The following SRGAP1 variants were observed in gnomAD, a reference collection of about 807,000 sequenced individuals.
The protein encoded by SRGAP1 is SLIT-ROBO Rho GTPase activating protein 1, also known as SLIT-ROBO Rho GTPase-activating protein 1.
In SRGAP1, 43 loss-of-function variants were observed where a neutral mutation model predicts 121.9. The observed-to-expected ratio is 0.35, with a 90% CI of 0.28 to 0.46. The LOEUF is 0.46. SRGAP1 is among the 20% of genes least tolerant of loss of function. SRGAP1 has a pLI of 1.00. For synonymous variants in SRGAP1, 447 were observed against 485.4 expected (o/e 0.92, Z 1.04); for missense variants, 1,102 against 1,350.9 (o/e 0.82, Z 2.89).
rs371674536 is a variant in SRGAP1 at position 63,862,148 on chromosome 12, G to A, written c.67+17265G>A. 3.3e-5 allele frequency among the ~76,000 whole-genome samples: 5 copies of A among 152,294 alleles called. No individual in the cohort carries two copies. In the South Asian group the frequency reaches 6.2e-4, roughly 19 times the overall value. On this transcript the variant is annotated intron_variant, in intron 1 of 21. Transcript: ENST00000355086. ...AAAAATTTATACACACACACCTCATGAGTCAAAGAAGAAATTATTATGAAA... is the reference window on the plus strand; with the variant it reads ...AAAAATTTATACACACACACCTCATAAGTCAAAGAAGAAATTATTATGAAA...
At chr12:63,945,244 C>T (rs1251700512) in intron 1 of SRGAP1, among the ~76,000 whole-genome samples, 3 of 151,752 alleles carry the variant, frequency 2.0e-5, no homozygotes, top group Non-Finnish European at 2.9e-5. Context: ...GTCTTTCTCC[C>T]TTCCTCTTTT....
intron 3 of SRGAP1, among the ~76,000 whole-genome samples, chr12:63,993,669 G>A (rs1565627236): frequency 6.6e-6 from 1 of 152,066 alleles, no homozygotes; most frequent in Non-Finnish European, 1.5e-5. Flanking sequence ...AAATTATTCT[G>A]TCTGATAAGG....
chr12:63,900,358 A>T (rs1900910536), intron 1 of SRGAP1, among the ~76,000 whole-genome samples: 1 of 150,940 alleles, frequency 6.6e-6, no homozygotes, highest in African/African-American at 2.4e-5. Context: ...GGTGCGTGCC[A>T]TCACGCCCAG....
In SRGAP1 at chr12:64,115,814, C is replaced by T. The variant is rs778727734; in HGVS notation, c.2145C>T (p.Cys715=). The T allele has an allele frequency of 2.5e-5, 40 of 1,612,122 alleles. No individual in the cohort carries two copies. Among genetic ancestry groups the T allele is most frequent in the Middle Eastern group, 3.3e-4 (2 of 6,070 alleles). Residue 715 remains cysteine, a splice_region_variant and synonymous_variant, in exon 18 of 22, where the codon TGC becomes TGT. Transcript: ENST00000355086. ...ATGAATTTCCATTTGTATTCTACAG[C>T]GACAGCCCATACAGTGAGCACGGTA... ...YEKCMAGDDY[C]DSPYSEHGTL...
intron 1 of SRGAP1, among the ~76,000 whole-genome samples, chr12:63,921,898 T>C (rs1475350188): frequency 6.6e-6 from 1 of 152,158 alleles, no homozygotes; most frequent in Non-Finnish European, 1.5e-5. Context: ...GAAAGAGTCT[T>C]AGTTCCATTT....
At chr12:64,125,837 G>T (rs529630037) in intron 18 of SRGAP1, 140 bp from the exon 19 acceptor site, 1 of 699,878 alleles carries the variant, frequency 1.4e-6, no homozygotes. Flanking sequence ...CTCCTGCCTT[G>T]ATAATATGTT....
At chr12:63,885,027 T>C (rs893004879) in intron 1 of SRGAP1, among the ~76,000 whole-genome samples, 3 of 152,104 alleles carry the variant, frequency 2.0e-5, no homozygotes. Flanking sequence ...CCATTCTTAT[T>C]TGAGTAGATT....
At chr12:64,120,322 A>G (rs970509634) in intron 18 of SRGAP1, 4 of 152,114 alleles carry the variant, frequency 2.6e-5, no homozygotes, top group Admixed American at 2.6e-4. Context: ...TCTTCCAGAG[A>G]GGGTTTTCAT....
intron 15 of SRGAP1, among the ~76,000 whole-genome samples, chr12:64,100,745 TAAG>T (rs1343047797): frequency 3.9e-5 from 6 of 152,174 alleles, no homozygotes. Flanking sequence ...TGTAACCTCT[TAAG>T]AAAGAGAGGA....
rs2037092230 is a variant in SRGAP1, at chr12:64,149,131, A to G, written c.*6459A>G. The stretch of plus-strand genomic sequence containing the variant: ...TTCCTGATTAAACTTTGGGTAGTAT[A>G]TGCAGATATCTTTAAACATGGAGAA... On this transcript the variant is annotated 3_prime_UTR_variant, in exon 22 of 22. Coordinates refer to ENST00000355086, the MANE Select transcript of SRGAP1 (RefSeq NM_020762.4). The G allele has an allele frequency of 6.6e-6, 1 of 152,224 alleles. No homozygotes were observed. Among genetic ancestry groups the G allele is most frequent in the Non-Finnish European group, 1.5e-5 (1 of 68,046 alleles). The allele number at this position is 152,224 out of a possible 1,614,324, so 9.4% of individuals were successfully genotyped here.
chr12:63,917,745 T>G (rs1041147561), intron 1 of SRGAP1, among the ~76,000 whole-genome samples: 4 of 149,738 alleles, frequency 2.7e-5, no homozygotes, highest in African/African-American at 9.7e-5. Flanking sequence ...TGAAAACAGT[T>G]TATAATGAAC....
In SRGAP1 at chr12:64,111,966, T is replaced by C. The variant is rs763532876; in HGVS notation, c.2124T>C (p.Cys708=). The C allele has an allele frequency of 2.0e-5, 33 of 1,613,764 alleles. No individual in the cohort carries two copies. The highest frequency in any genetic ancestry group is 2.7e-5 in the African/African-American group (2 of 74,930). Residue 708 remains cysteine (C), a synonymous_variant, in exon 17 of 22, where the codon TGT becomes TGC. Transcript: ENST00000355086. ...KELDGPVYEK[C]MAGDDYCDSP... is the part of the protein sequence containing the mutation. Reference sequence around the variant, plus strand: ...TGGATGGCCCTGTTTATGAGAAATGTATGGCTGGAGATGACTATTGGTAAG... The same window carrying C: ...TGGATGGCCCTGTTTATGAGAAATGCATGGCTGGAGATGACTATTGGTAAG...
intron 12 of SRGAP1, among the ~76,000 whole-genome samples, chr12:64,093,564 G>A (rs554393310): frequency 4.5e-4 from 68 of 152,024 alleles, no homozygotes; most frequent in Non-Finnish European, 6.0e-4. Context: ...TGAATTGTTC[G>A]TATAGTTTAC....
At chr12:64,009,319 G>A (rs1239449273) in intron 3 of SRGAP1, among the ~76,000 whole-genome samples, 2 of 152,084 alleles carry the variant, frequency 1.3e-5, no homozygotes, top group Non-Finnish European at 2.9e-5. Flanking sequence ...CACTGAAAAG[G>A]TGTTTCCAAT....
chr12:64,010,495 T>A (rs80075784), intron 3 of SRGAP1, among the ~76,000 whole-genome samples: 3,509 of 152,174 alleles, frequency 0.023, 156 homozygotes, highest in African/African-American at 0.08. Context: ...AAAGCTGTTT[T>A]GGTATGTCTG....
At chr12:63,966,254 T>TA (rs2032788127) in intron 1 of SRGAP1, among the ~76,000 whole-genome samples, 2 of 152,192 alleles carry the variant, frequency 1.3e-5, no homozygotes, top group South Asian at 4.1e-4. Flanking sequence ...ATAATACTGA[T>TA]AGTAGTTATT....
At chr12:63,872,192 T>A (rs186334983) in intron 1 of SRGAP1, 63 of 306,854 alleles carry the variant, frequency 2.1e-4, no homozygotes, top group Admixed American at 1.0e-3. Context: ...TGATTGTTTT[T>A]GTACCCTAGG....
In SRGAP1 at chr12:64,142,275, T is replaced by C; in HGVS notation, c.2881-20T>C. On this transcript the variant is annotated intron_variant, in intron 21 of 21. Transcript: ENST00000355086. ...CATTATCAGTCTGTGCTTTCTCTCT[T>C]TCCGATTATTCTTCAATAGGATATT... is the stretch of plus-strand genomic sequence containing the variant. The C allele has an allele frequency of 6.2e-7, 1 of 1,605,596 alleles. No individual in the cohort carries two copies. The highest frequency in any genetic ancestry group is 8.5e-7 in the Non-Finnish European group (1 of 1,174,202).
At chr12:64,057,450 G>T (rs76228078) in intron 6 of SRGAP1, among the ~76,000 whole-genome samples, 2 of 152,126 alleles carry the variant, frequency 1.3e-5, no homozygotes, top group African/African-American at 2.4e-5. Flanking sequence ...GTGAAATTCT[G>T]TATAGTTAGG....
Sources: allele counts gnomAD v4.1 joint callset (sites outside exome capture counted in the v4.1 genomes callset), GRCh38; gene constraint gnomAD v4.1.1; transcripts MANE v1.5; gene names NCBI Gene and HGNC (gene_info 2026-07-23, HGNC 2026-07-21).